RNMT: variants seen among roughly 807,000 people sequenced by gnomAD.
The protein encoded by RNMT is RNA guanine-7 methyltransferase.
In RNMT, 27 loss-of-function variants were observed where a neutral mutation model predicts 56.0. That is an observed-to-expected ratio of 0.48 (90% CI 0.36 to 0.67). The LOEUF (loss-of-function observed/expected upper bound fraction) is 0.67. Among genes scored for constraint, RNMT ranks in the 30% least tolerant of loss-of-function variants. The pLI, the probability that RNMT is intolerant of heterozygous loss-of-function variation, is 0.00. For synonymous variants in RNMT, 184 were observed against 176.2 expected, an observed-to-expected ratio of 1.04 and a Z score of -0.35; for missense variants, 519 against 552.1, an observed-to-expected ratio of 0.94 and a Z score of 0.60.
Position 13,731,917 on chromosome 18 carries a change from G to A in RNMT, c.400G>A (p.Val134Ile). Residue 134 changes from valine (V) to isoleucine (I), a missense_variant, in exon 3 of 12, where the codon GTT becomes ATT. Coordinates refer to ENST00000383314, the MANE Select transcript of RNMT (RefSeq NM_003799.3). ...QNKRKIALED[V>I]PEKQKNLEEG... is the part of the protein sequence containing the mutation. ...TAAGAGAAAAATAGCACTTGAGGAT[G>A]TTCCTGAAAAGCAGAAAGTATGTTC... The A allele has an allele frequency of 1.3e-6, 2 of 1,591,422 alleles. No individual in the cohort carries two copies. The highest frequency in any genetic ancestry group is 1.7e-6 in the Non-Finnish European group (2 of 1,174,122).
rs964678762 is a variant in RNMT, at chr18:13,745,231, G to C, written c.1140-989G>C. On this transcript the variant is annotated intron_variant, in intron 8 of 11. Transcript: ENST00000383314. ...CTGGAGCCCAGTGGAGGGTGTTAAG[G>C]GGGTAGTGACATGACTCAGGTCCGC... Among the ~76,000 whole-genome samples, 182 of 152,178 alleles carry C rather than the reference G, an allele frequency of 1.2e-3. 1 individual carries two copies. The highest frequency in any genetic ancestry group is 2.9e-4 in the Non-Finnish European group (20 of 68,040).
At chr18:13,752,795 GTT>G (rs2044472752) in intron 10 of RNMT, among the ~76,000 whole-genome samples, 1 of 152,192 alleles carries the variant, frequency 6.6e-6, no homozygotes, top group South Asian at 2.1e-4. Context: ...CTGCGTAAAA[GTT>G]TACATTTTAA....
chr18:13,745,180 A>T (rs2044331114), intron 8 of RNMT, among the ~76,000 whole-genome samples: 1 of 152,194 alleles, frequency 6.6e-6, no homozygotes, highest in Admixed American at 6.5e-5. Flanking sequence ...AATGTCTTCG[A>T]GACCATGTTC....
chr18:13,755,323 A>AT, intron 11 of RNMT, among the ~76,000 whole-genome samples: 1 of 152,232 alleles, frequency 6.6e-6, no homozygotes. Context: ...TAATATTGAT[A>AT]TTACTGAGTG....
At position 13,754,134 on chromosome 18, in the gene RNMT, A is replaced by G. The variant is rs1598428300; in HGVS notation, c.1380A>G (p.Glu460=). Residue 460 remains glutamate, a synonymous_variant, in exon 11 of 12, where the codon GAA becomes GAG. Transcript: ENST00000383314. ...RLPLGTLSKS[E]WEATSIYLVF... ...TTTAGGGAACCTTAAGTAAATCAGAATGGGAAGCTACAAGTGAGTATATCA... is the reference window on the plus strand; with the variant it reads ...TTTAGGGAACCTTAAGTAAATCAGAGTGGGAAGCTACAAGTGAGTATATCA... 1.9e-6 allele frequency: 3 copies of G among 1,564,478 alleles called. No individual in the cohort carries two copies. The highest frequency in any genetic ancestry group is 1.1e-5 in the South Asian group (1 of 89,514).
Position 13,731,659 on chromosome 18 carries a change from T to G in RNMT, c.142T>G (p.Ser48Ala). ...TGGGACTGGGCTTTCTGAAAAGACT[T>G]CTGTCTGTAGGCAAGTAGACATAGC... ...ASGTGLSEKT[S>A]VCRQVDIARK... Residue 48 changes from serine (S) to alanine (A), a missense_variant, in exon 3 of 12, where the codon TCT becomes GCT. Ser to Ala is a moderately conservative substitution (Grantham distance 99). Coordinates refer to ENST00000383314, the MANE Select transcript of RNMT (RefSeq NM_003799.3). The G allele has an allele frequency of 6.2e-7, 1 of 1,614,112 alleles. No individual in the cohort carries two copies. Among genetic ancestry groups the G allele is most frequent in the African/African-American group, 1.3e-5 (1 of 75,044 alleles).
chr18:13,751,328 A>C (rs1204273736), intron 9 of RNMT, among the ~76,000 whole-genome samples: 1 of 152,262 alleles, frequency 6.6e-6, no homozygotes, highest in East Asian at 1.9e-4. Flanking sequence ...GACACTTCTC[A>C]AAACACGACA....
chr18:13,742,369 A>AT, intron 7 of RNMT, 119 bp from the exon 8 acceptor site: 1 of 901,290 alleles, frequency 1.1e-6, no homozygotes, highest in Non-Finnish European at 1.7e-6. Flanking sequence ...CCCAGATATA[A>AT]TTAAAAGGCT....
Position 13,762,403 on chromosome 18 carries a change from G to A in RNMT, c.*2424G>A. ...AACCTGTGGAAAGTATTGCAATTCT[G>A]TGAGAGTGACTCTGCAGAGTCACTG... On this transcript the variant is annotated 3_prime_UTR_variant, in exon 12 of 12. Transcript: ENST00000383314. The A allele has an allele frequency of 2.2e-6, 1 of 457,318 alleles. No individual in the cohort carries two copies. Among genetic ancestry groups the A allele is most frequent in the South Asian group, 2.4e-5 (1 of 41,194 alleles). The allele number at this position is 457,318 out of a possible 1,614,324, so 28.3% of individuals were successfully genotyped here. A position where few individuals can be genotyped will look rare whatever the true frequency, so the allele number is the denominator to read the frequency against.
At position 13,741,681 on chromosome 18, in the gene RNMT, T is replaced by C. The variant is rs934008833; in HGVS notation, c.964T>C (p.Phe322Leu). The part of the protein sequence containing the change: ...GYFIGTTPNS[F>L]ELIRRLEASE... ...TTTTATTGGTACTACTCCCAATAGCTTTGAATTGATGTAAGTACTTCTAAA... is the reference window on the plus strand; with the variant it reads ...TTTTATTGGTACTACTCCCAATAGCCTTGAATTGATGTAAGTACTTCTAAA... The change falls in exon 7 of 12, where the codon TTT becomes CTT. Residue 322 changes from phenylalanine (F) to leucine (L), a missense_variant. Transcript: ENST00000383314. 2.5e-6 allele frequency: 4 copies of C among 1,599,872 alleles called. No homozygotes were observed. In the Admixed American group the frequency reaches 5.2e-5, roughly 21 times the overall value.
In RNMT at chr18:13,731,745, C is replaced by T. The variant is rs761556005; in HGVS notation, c.228C>T (p.Asp76=). Reference sequence around the variant, plus strand: ...AGGAAAGTTCTAGTTGTGGGAAAGACACTCCATCCAAGAAGAGAAAACTTG... The same window carrying T: ...AGGAAAGTTCTAGTTGTGGGAAAGATACTCCATCCAAGAAGAGAAAACTTG... ...LVKESSSCGK[D]TPSKKRKLDP... is the part of the protein sequence containing the mutation. The change falls in exon 3 of 12, where the codon GAC becomes GAT. Residue 76 remains aspartate (D), a synonymous_variant. Coordinates refer to ENST00000383314, the MANE Select transcript of RNMT (RefSeq NM_003799.3). 6.2e-7 allele frequency: 1 copy of T among 1,612,974 alleles called. No individual in the cohort carries two copies. The highest frequency in any genetic ancestry group is 1.1e-5 in the South Asian group (1 of 90,790).
chr18:13,759,026 A>G (rs1006307123), intron 11 of RNMT, among the ~76,000 whole-genome samples: 9 of 152,162 alleles, frequency 5.9e-5, no homozygotes, highest in African/African-American at 2.2e-4. Flanking sequence ...CCATCTTATA[A>G]AGGCACCTCG....
chr18:13,758,522 T>C (rs2044578047), intron 11 of RNMT, among the ~76,000 whole-genome samples: 1 of 152,222 alleles, frequency 6.6e-6, no homozygotes, highest in Admixed American at 6.5e-5. Flanking sequence ...TTCAGACTTT[T>C]CTTGTGCAGT....
chr18:13,731,546 A>G lies in RNMT; in HGVS notation c.29A>G (p.Tyr10Cys), dbSNP rs2044068373. The G allele has an allele frequency of 6.3e-7, 1 of 1,597,624 alleles. No homozygotes were observed. The highest frequency in any genetic ancestry group is 1.1e-5 in the South Asian group (1 of 88,132). MANSAKAEEYEKMSLEQAKA... is the reference protein window; with the variant it reads MANSAKAEECEKMSLEQAKA... ...GCAAATTCTGCAAAAGCAGAAGAAT[A>G]TGAAAAGATGTCTCTTGAACAGGCA... The change falls in exon 3 of 12, where the codon TAT becomes TGT. Residue 10 changes from tyrosine to cysteine, a missense_variant. Tyr to Cys is a radical substitution (Grantham distance 194, BLOSUM62 -2). Coordinates refer to ENST00000383314, the MANE Select transcript of RNMT (RefSeq NM_003799.3).
intron 9 of RNMT, 160 bp from the exon 10 acceptor site, chr18:13,752,166 T>C: frequency 1.7e-6 from 1 of 575,378 alleles, no homozygotes; most frequent in South Asian, 2.5e-5. Flanking sequence ...CTTCCTTTTT[T>C]TTAATTTTTT....
Position 13,749,783 on chromosome 18 carries a change from C to T in RNMT, c.1258-2543C>T, listed in dbSNP as rs192441071. 9.5e-4 allele frequency among the ~76,000 whole-genome samples: 145 copies of T among 152,208 alleles called. 3 individuals carry two copies. In the East Asian group the frequency reaches 0.014, roughly 15 times the overall value. ...TGTCATCCAAGCTGGAGTGCACTGA[C>T]ACCATCTTGGCATCTTGGCACACTG... On this transcript the variant is annotated intron_variant, in intron 9 of 11. Transcript: ENST00000383314.
chr18:13,746,198 TTAAG>T lies in RNMT; in HGVS notation c.1140-19_1140-16del. Reference sequence around the variant, plus strand: ...TTACAAACATGTGGAAGCTTTTTCATTAAGTATTCTTTTTTGGACAGAATGGCAA... The same window carrying T: ...TTACAAACATGTGGAAGCTTTTTCATTATTCTTTTTTGGACAGAATGGCAA... On this transcript the variant is annotated intron_variant, in intron 8 of 11. Transcript: ENST00000383314. 2.4e-6 allele frequency: 3 copies of T among 1,233,600 alleles called. No homozygotes were observed. The highest frequency in any genetic ancestry group is 3.5e-6 in the Non-Finnish European group (3 of 861,712). 76.4% of individuals were successfully genotyped at this position (1,233,600 alleles called of 1,614,324 possible). A position where few individuals can be genotyped will look rare whatever the true frequency, so the allele number is the denominator to read the frequency against.
chr18:13,742,337 TAA>T (rs34718591), intron 7 of RNMT, 149 bp from the exon 8 acceptor site: 9,432 of 485,860 alleles, frequency 0.019, no homozygotes, highest in South Asian at 0.024. Context: ...CTTGTCACTT[TAA>T]AAAAAAAAAA....
rs1419426790 is a variant in RNMT at position 13,762,008 on chromosome 18, T to TTGTA, written c.*2032_*2033insATGT. 1.3e-6 allele frequency: 2 copies of TTGTA among 1,535,802 alleles called. No homozygotes were observed. Among genetic ancestry groups the TTGTA allele is most frequent in the Non-Finnish European group, 1.7e-6 (2 of 1,146,774 alleles). The stretch of plus-strand genomic sequence containing the variant: ...TAGTAGGACTCTTCCTTGACACACC[T>TTGTA]TGTCGTCTAAATGTTCGGTATTCTA... On this transcript the variant is annotated 3_prime_UTR_variant, in exon 12 of 12. Coordinates refer to ENST00000383314, the MANE Select transcript of RNMT (RefSeq NM_003799.3).
Sources: gnomAD v4.1 joint callset for allele counts (sites outside exome capture counted in the v4.1 genomes callset) on GRCh38, gnomAD v4.1.1 for gene constraint, MANE v1.5 for transcripts, NCBI Gene and HGNC (gene_info 2026-07-23, HGNC 2026-07-21) for gene names.